Variants in PROX2 observed in about 807,000 individuals in gnomAD.
PROX2 encodes prospero homeobox protein 2.
In PROX2, 46 loss-of-function variants were observed where a neutral mutation model predicts 48.9. The ratio of observed to expected loss-of-function variants is 0.94; its 90% CI spans 0.74 to 1.20. The LOEUF (loss-of-function observed/expected upper bound fraction) is 1.20, where lower values mean the gene tolerates loss of function less well. PROX2 is among the 50% of genes most tolerant of loss of function. The probability of loss-of-function intolerance (pLI) is 0.00; values close to 1 mark genes in which losing one functional copy is unlikely to be tolerated. For synonymous variants in PROX2, 260 were observed against 276.6 expected (o/e 0.94, Z 0.60); for missense variants, 663 against 719.4 (o/e 0.92, Z 0.90).
At chr14:74,860,480 G>A (rs1389005561) in intron 3 of PROX2, among the ~76,000 whole-genome samples, 1 of 151,712 alleles carries the variant, frequency 6.6e-6, no homozygotes, top group African/African-American at 2.4e-5. Context: ...TATGTGTGAA[G>A]TGCTGGTAGC....
chr14:74,855,410 G>A, intron 5 of PROX2, 108 bp from the exon 6 acceptor site: 2 of 822,250 alleles, frequency 2.4e-6, no homozygotes, highest in East Asian at 2.8e-5. Context: ...AGTGGGCTAG[G>A]AGCATCCCTG....
In PROX2 at chr14:74,862,928, A is replaced by C. The variant is rs1209576037; in HGVS notation, c.907T>G (p.Leu303Val). The change falls in exon 3 of 6, where the codon TTA becomes GTA. Residue 303 changes from leucine (L) to valine (V), a missense_variant. By Grantham distance (32) the Leu-to-Val change is conservative. Coordinates refer to ENST00000556489, the MANE Select transcript of PROX2 (RefSeq NM_001243007.2). ...GAATCTAGACGCTTGGCCAGTGATA[A>C]ATTTCCTACTGGGACCCCAGCTTGT... is the stretch of plus-strand genomic sequence containing the variant. ...QLQAGVPVGN[L>V]SLAKRLDSPR... 1.9e-6 allele frequency: 3 copies of C among 1,613,842 alleles called. No homozygotes were observed. The highest frequency in any genetic ancestry group is 3.3e-5 in the Admixed American group (2 of 60,018).
chr14:74,863,639 C>G lies in PROX2; in HGVS notation c.196G>C (p.Ala66Pro). The change falls in exon 3 of 6, where the codon GCC becomes CCC. Residue 66 changes from alanine (A) to proline (P), a missense_variant. Ala to Pro is a conservative substitution (Grantham distance 27). Coordinates refer to ENST00000556489, the MANE Select transcript of PROX2 (RefSeq NM_001243007.2). The part of the protein sequence containing the change: ...FGDEHIQAKR[A>P]RVETIVRGMC... ...CCTCGGACAATGGTCTCCACTCTGGCCCTCTTTGCCTGGATGTGCTCATCA... is the reference window on the plus strand; with the variant it reads ...CCTCGGACAATGGTCTCCACTCTGGGCCTCTTTGCCTGGATGTGCTCATCA... 6.3e-7 allele frequency: 1 copy of G among 1,586,534 alleles called. No individual in the cohort carries two copies. Among genetic ancestry groups the G allele is most frequent in the Non-Finnish European group, 8.6e-7 (1 of 1,166,858 alleles).
chr14:74,861,199 G>C (rs765697272), intron 3 of PROX2: 2 of 1,352,216 alleles, frequency 1.5e-6, no homozygotes, highest in Admixed American at 3.8e-5. Flanking sequence ...CAAAGGACAC[G>C]ACTGTTCCCA....
At chr14:74,865,772 A>C (rs1239392080) in intron 2 of PROX2, among the ~76,000 whole-genome samples, 5 of 151,402 alleles carry the variant, frequency 3.3e-5, no homozygotes, top group Non-Finnish European at 7.4e-5. Flanking sequence ...CAGAGGTTGC[A>C]GTGAGCCGAG....
In PROX2 at chr14:74,853,699, GA is replaced by G. The variant is rs1481561771; in HGVS notation, c.*1432del. 2 of 152,100 alleles carry G rather than the reference GA, an allele frequency of 1.3e-5. No homozygotes were observed. Among genetic ancestry groups the G allele is most frequent in the African/African-American group, 4.8e-5 (2 of 41,422 alleles). 9.4% of individuals were successfully genotyped at this position (152,100 alleles called of 1,614,324 possible). A position where few individuals can be genotyped will look rare whatever the true frequency, so the allele number is the denominator to read the frequency against. ...TATGAAACTTGTTTTATATAGACAG[GA>G]AAGAAGCTAATGAACTCACAGACAC... is the stretch of plus-strand genomic sequence containing the variant. On this transcript the variant is annotated 3_prime_UTR_variant, in exon 6 of 6. Transcript: ENST00000556489.
chr14:74,870,439 A>ACACACACACACACAC (rs1555371979), intron 2 of PROX2, among the ~76,000 whole-genome samples: 2 of 29,948 alleles, frequency 6.7e-5, no homozygotes, highest in South Asian at 1.4e-3. Context: ...AAAAAAAAAA[A>ACACACACACACACAC]ATACACACAC....
chr14:74,874,251 G>GTTTT (rs35863744), intron 1 of PROX2: 121 of 280,078 alleles, frequency 4.3e-4, no homozygotes, highest in Middle Eastern at 1.2e-3. Flanking sequence ...CATCATACAA[G>GTTTT]TTTTTTTTTT....
rs116904221 is a variant in PROX2, at chr14:74,867,369, C to G, written c.-174-3361G>C. On this transcript the variant is annotated intron_variant, in intron 2 of 5. Transcript: ENST00000556489. ...TTGCATTTACATTCTCTTGGCCCGACCAGCCCTTCTCCCACTTTTCCACGG... is the reference window on the plus strand; with the variant it reads ...TTGCATTTACATTCTCTTGGCCCGAGCAGCCCTTCTCCCACTTTTCCACGG... 8.5e-3 allele frequency among the ~76,000 whole-genome samples: 1,300 copies of G among 152,326 alleles called. 15 individuals carry two copies. The highest frequency in any genetic ancestry group is 0.038 in the South Asian group (185 of 4,820).
intron 2 of PROX2, among the ~76,000 whole-genome samples, chr14:74,870,760 C>A (rs1362255948): frequency 2.0e-5 from 3 of 152,144 alleles, no homozygotes; most frequent in African/African-American, 7.2e-5. Context: ...AAAGTCTAGG[C>A]CGGGCGCAGG....
At chr14:74,871,581 C>T (rs2140174539) in intron 1 of PROX2, among the ~76,000 whole-genome samples, 1 of 152,302 alleles carries the variant, frequency 6.6e-6, no homozygotes, top group African/African-American at 2.4e-5. Flanking sequence ...CGAGACCAGC[C>T]TGGGCAACAT....
chr14:74,862,675 G>T lies in PROX2; in HGVS notation c.1160C>A (p.Pro387Gln). 5 of 1,614,002 alleles carry T rather than the reference G, an allele frequency of 3.1e-6. No homozygotes were observed. The highest frequency in any genetic ancestry group is 3.4e-6 in the Non-Finnish European group (4 of 1,179,900). ...CTGCTGGCTCAGGACCAATGGTTGCGGCTTAGTAGTTCTCCAAGGTCGTAG... is the reference window on the plus strand; with the variant it reads ...CTGCTGGCTCAGGACCAATGGTTGCTGCTTAGTAGTTCTCCAAGGTCGTAG... ...PALRPWRTTK[P>Q]QPLVLSQQQC... The change falls in exon 3 of 6, where the codon CCG (proline) becomes CAG (glutamine). Residue 387 changes from proline to glutamine, a missense_variant. Coordinates refer to ENST00000556489, the MANE Select transcript of PROX2 (RefSeq NM_001243007.2).
In PROX2 at chr14:74,863,440, A is replaced by G. The variant is rs766821053; in HGVS notation, c.395T>C (p.Val132Ala). The G allele has an allele frequency of 1.2e-6, 2 of 1,613,274 alleles. No homozygotes were observed. The highest frequency in any genetic ancestry group is 1.7e-6 in the Non-Finnish European group (2 of 1,179,534). ...CTTCAGCAGATGAAGTTGTTCTCTC[A>G]CACGAGGGCCCCCCTTCCTGTTGCC... ...DQGNRKGGPR[V>A]REQLHLLKQQ... The change falls in exon 3 of 6, where the codon GTG becomes GCG. Residue 132 changes from valine (V) to alanine (A), a missense_variant. Coordinates refer to ENST00000556489, the MANE Select transcript of PROX2 (RefSeq NM_001243007.2).
chr14:74,855,349 G>A, intron 5 of PROX2, 47 bp from the exon 6 acceptor site: 3 of 1,463,370 alleles, frequency 2.1e-6, no homozygotes, highest in South Asian at 1.4e-5. Context: ...GTGAGGTTGG[G>A]AAGCACTGGT....
Position 74,863,316 on chromosome 14 carries a change from CAG to C in PROX2, c.517_518del (p.Leu173GlufsTer18). On this transcript the variant is annotated frameshift_variant, in exon 3 of 6. Transcript: ENST00000556489. LOFTEE classifies it high-confidence loss of function. ...CACAGCCATTCCCCTGCTTTGCACT[CAG>C]AGGGCCTTTCCCCGTGCCACAGCCT... ...PGGCGTGKGP[L>X]SAKQGNGCGP... 1 of 1,614,076 alleles carries C rather than the reference CAG, an allele frequency of 6.2e-7. No individual in the cohort carries two copies. Among genetic ancestry groups the C allele is most frequent in the Non-Finnish European group, 8.5e-7 (1 of 1,179,908 alleles).
chr14:74,874,153 C>T (rs1478099814), intron 1 of PROX2: 5 of 511,354 alleles, frequency 9.8e-6, no homozygotes, highest in Non-Finnish European at 1.6e-5. Flanking sequence ...ATTCTTTACA[C>T]AAATCCTCAG....
rs111532556 is a variant in PROX2 at position 74,858,232 on chromosome 14, T to G, written c.1413+175A>C. 4.8e-4 allele frequency: 247 copies of G among 509,858 alleles called. 1 individual carries two copies. Among genetic ancestry groups the G allele is most frequent in the African/African-American group, 4.2e-3 (218 of 52,448 alleles). 31.6% of individuals were successfully genotyped at this position (509,858 alleles called of 1,614,324 possible). ...GACAGCCAGCCTTTCTAGCCTAAAG[T>G]TATTCACGGTTATTTGGGTAGAGTC... On this transcript the variant is annotated intron_variant, in intron 4 of 5. Transcript: ENST00000556489.
intron 5 of PROX2, 61 bp from the exon 6 acceptor site, chr14:74,855,363 A>G: frequency 3.6e-6 from 5 of 1,388,928 alleles, no homozygotes; most frequent in Non-Finnish European, 4.8e-6. Flanking sequence ...CACTGGTGCC[A>G]GAGCCCTCAC....
rs139647331 is a variant in PROX2 at position 74,857,196 on chromosome 14, G to A, written c.1414-201C>T. The A allele has an allele frequency of 3.7e-4, 186 of 507,412 alleles. 1 individual carries two copies. The East Asian group carries it at 5.4e-3, about 15-fold the overall frequency. The allele number at this position is 507,412 out of a possible 1,614,324, so 31.4% of individuals were successfully genotyped here. ...CTCAGAAAAATCTAAATTAGCTACA[G>A]TGCCCATTAGAACATAACTTTTTTT... On this transcript the variant is annotated intron_variant, in intron 4 of 5. Coordinates refer to ENST00000556489, the MANE Select transcript of PROX2 (RefSeq NM_001243007.2).
Sources: allele counts gnomAD v4.1 joint callset (sites outside exome capture counted in the v4.1 genomes callset), GRCh38; gene constraint gnomAD v4.1.1; transcripts MANE v1.5; gene names NCBI Gene and HGNC (gene_info 2026-07-23, HGNC 2026-07-21).